The following ITPR1 variants were observed in gnomAD, a reference collection of about 807,000 sequenced individuals.
ITPR1 encodes the protein inositol 1,4,5-trisphosphate receptor type 1, also known as inositol 1,4,5-trisphosphate-gated calcium channel ITPR1.
Under a neutral mutation model 318.4 loss-of-function variants are expected in ITPR1, and 96 were observed. The ratio of observed to expected loss-of-function variants is 0.30; its 90% confidence interval spans 0.26 to 0.36. The LOEUF (loss-of-function observed/expected upper bound fraction) is 0.36, where lower values mean the gene tolerates loss of function less well. Among genes scored for constraint, ITPR1 ranks in the 10% least tolerant of loss-of-function variants. The pLI is 1.00. For synonymous variants in ITPR1, 1,312 were observed against 1,289.9 expected (o/e 1.02, Z -0.37); for missense variants, 2,440 against 3,460.2 (o/e 0.71, Z 7.40).
At position 4,846,570 on chromosome 3, in the gene ITPR1, T is replaced by G. The variant is rs1231397657; in HGVS notation, c.*345T>G. 5.8e-6 allele frequency: 1 copy of G among 173,168 alleles called. No homozygotes were observed. Among genetic ancestry groups the G allele is most frequent in the Non-Finnish European group, 1.2e-5 (1 of 81,456 alleles). The allele number at this position is 173,168 out of a possible 1,614,324, so 10.7% of individuals were successfully genotyped here. A position where few individuals can be genotyped will look rare whatever the true frequency, so the allele number is the denominator to read the frequency against. On this transcript the variant is annotated 3_prime_UTR_variant, in exon 62 of 62. Transcript: ENST00000649015. ...AACTAGAATAGCCAGTATTTATGTT[T>G]TTTATAAAACTGTGCAATACGAATT... is the stretch of plus-strand genomic sequence containing the variant.
intron 40 of ITPR1, 101 bp downstream of exon 40, chr3:4,717,500 G>C: frequency 2.1e-6 from 2 of 959,952 alleles, no homozygotes; most frequent in Non-Finnish European, 3.3e-6. Context: ...TCACAGCGTC[G>C]AGTATCTGGC....
At chr3:4,816,699 C>T (rs564234060) in intron 59 of ITPR1, among the ~76,000 whole-genome samples, 5 of 152,262 alleles carry the variant, frequency 3.3e-5, no homozygotes, top group South Asian at 2.1e-4. Context: ...GTGATACTAA[C>T]GTTGATCATT....
chr3:4,502,313 G>A (rs532429698), intron 2 of ITPR1, among the ~76,000 whole-genome samples: 1 of 152,102 alleles, frequency 6.6e-6, no homozygotes, highest in Admixed American at 6.5e-5. Context: ...TTTCCTTTTG[G>A]GCCTTTTGTG....
At chr3:4,671,372 T>G (rs2094077204) in intron 20 of ITPR1, among the ~76,000 whole-genome samples, 1 of 152,140 alleles carries the variant, frequency 6.6e-6, no homozygotes, top group Admixed American at 6.5e-5. Flanking sequence ...TGTGTTTGTA[T>G]ACACATATAT....
intron 60 of ITPR1, among the ~76,000 whole-genome samples, chr3:4,824,212 C>G (rs2049920797): frequency 6.6e-6 from 1 of 152,182 alleles, no homozygotes; most frequent in Admixed American, 6.5e-5. Context: ...GTGCTGGGCT[C>G]TGCTTTACCT....
In ITPR1 at chr3:4,666,562, T is replaced by C. The variant is rs541462268; in HGVS notation, c.1714-815T>C. On this transcript the variant is annotated intron_variant, in intron 17 of 61. Transcript: ENST00000649015. Reference sequence around the variant, plus strand: ...CCTTTACCAGTTGGCAGATGATAAGTTCCTACACAATGCCTCCTTATAGAA... The same window carrying C: ...CCTTTACCAGTTGGCAGATGATAAGCTCCTACACAATGCCTCCTTATAGAA... Among the ~76,000 whole-genome samples the C allele has an allele frequency of 7.2e-5, 11 of 152,312 alleles. No individual in the cohort carries two copies. In the South Asian group the frequency reaches 2.3e-3, roughly 32 times the overall value.
intron 44 of ITPR1, among the ~76,000 whole-genome samples, chr3:4,757,326 G>C (rs918602533): frequency 6.6e-6 from 1 of 152,176 alleles, no homozygotes; most frequent in Admixed American, 6.5e-5. Context: ...TCAGCTTGCA[G>C]AAGGGGATTG....
At chr3:4,838,348 G>A (rs1041313196) in intron 61 of ITPR1, among the ~76,000 whole-genome samples, 23 of 147,106 alleles carry the variant, frequency 1.6e-4, no homozygotes, top group Admixed American at 8.2e-4. Flanking sequence ...CCCGCCCCCC[G>A]CCGTGAAACA....
intron 5 of ITPR1, among the ~76,000 whole-genome samples, chr3:4,637,621 G>A (rs1310634650): frequency 6.6e-6 from 1 of 152,192 alleles, no homozygotes; most frequent in Non-Finnish European, 1.5e-5. Flanking sequence ...AAGAGAGAGA[G>A]GGAAGTTTTG....
chr3:4,547,991 C>G (rs900614747), intron 4 of ITPR1, among the ~76,000 whole-genome samples: 2 of 152,206 alleles, frequency 1.3e-5, no homozygotes, highest in Admixed American at 6.5e-5. Flanking sequence ...TGTGAGTAAG[C>G]CATTCTACTT....
intron 46 of ITPR1, 53 bp downstream of exon 46, chr3:4,768,817 C>G (rs1047896139): frequency 1.1e-5 from 17 of 1,552,272 alleles, no homozygotes; most frequent in Non-Finnish European, 1.4e-5. Flanking sequence ...GCTGCCAAGG[C>G]CTGCCTTCCT....
chr3:4,672,571 C>G (rs1462262678), intron 20 of ITPR1, among the ~76,000 whole-genome samples: 1 of 152,086 alleles, frequency 6.6e-6, no homozygotes, highest in African/African-American at 2.4e-5. Flanking sequence ...GGTCAGGTTC[C>G]AGTTAACAAC....
In ITPR1 at chr3:4,616,858, A is replaced by C. The variant is rs553904052; in HGVS notation, c.164-10905A>C. On this transcript the variant is annotated intron_variant, in intron 4 of 61. Coordinates refer to ENST00000649015, the MANE Select transcript of ITPR1 (RefSeq NM_001378452.1). ...TGGGCACAGCTAAACTTCATTTCTT[A>C]GCTTGTCTGCATCATGGTGGGGTCT... 1.1e-4 allele frequency among the ~76,000 whole-genome samples: 17 copies of C among 152,270 alleles called. No individual in the cohort carries two copies. The East Asian group carries it at 3.3e-3, about 29-fold the overall frequency.
intron 12 of ITPR1, among the ~76,000 whole-genome samples, chr3:4,657,283 C>A (rs781278627): frequency 3.3e-5 from 5 of 151,850 alleles, no homozygotes; most frequent in Non-Finnish European, 4.4e-5. Flanking sequence ...TGTGAGTAGA[C>A]AATTATCACT....
At chr3:4,509,664 G>C (rs1169916252) in intron 2 of ITPR1, among the ~76,000 whole-genome samples, 1 of 152,190 alleles carries the variant, frequency 6.6e-6, no homozygotes, top group African/African-American at 2.4e-5. Context: ...AGACATGGTG[G>C]TACGCACCGG....
At chr3:4,831,157 A>ACTCC (rs1559974540) in intron 60 of ITPR1, 28 of 375,040 alleles carry the variant, frequency 7.5e-5, no homozygotes, top group African/African-American at 1.1e-4. Context: ...ACACACACTC[A>ACTCC]CTCCCTCTCT....
In ITPR1 at chr3:4,603,371, C is replaced by T. The variant is rs577381780; in HGVS notation, c.164-24392C>T. Among the ~76,000 whole-genome samples the T allele has an allele frequency of 2.0e-5, 3 of 152,170 alleles. No homozygotes were observed. The East Asian group carries it at 5.8e-4, about 29-fold the overall frequency. ...GCATAGCACCCAATAGGTAGTTTTT[C>T]AGCCCTCACTCCCTGGTCCATATGT... is the stretch of plus-strand genomic sequence containing the variant. On this transcript the variant is annotated intron_variant, in intron 4 of 61. Coordinates refer to ENST00000649015, the MANE Select transcript of ITPR1 (RefSeq NM_001378452.1).
intron 35 of ITPR1, 132 bp from the exon 36 acceptor site, chr3:4,702,698 C>A: frequency 1.0e-6 from 1 of 959,082 alleles, no homozygotes; most frequent in Non-Finnish European, 1.6e-6. Flanking sequence ...CCTCAGGGTC[C>A]ATTAACAAGG....
At chr3:4,818,016 T>G in intron 59 of ITPR1, 66 bp from the exon 60 acceptor site, 2 of 1,372,522 alleles carry the variant, frequency 1.5e-6, no homozygotes, top group South Asian at 1.5e-5. Flanking sequence ...GACAGTTCTG[T>G]TATTGATTTT....
Sources: gnomAD v4.1 joint callset for allele counts (sites outside exome capture counted in the v4.1 genomes callset) on GRCh38, gnomAD v4.1.1 for gene constraint, MANE v1.5 for transcripts, NCBI Gene and HGNC (gene_info 2026-07-23, HGNC 2026-07-21) for gene names.